SOS1: variants seen among roughly 807,000 people sequenced by gnomAD.
SOS1 encodes the protein son of sevenless homolog 1.
Under a neutral mutation model 157.6 loss-of-function variants are expected in SOS1, and 25 were observed. That is an observed-to-expected ratio of 0.16 (90% CI 0.12 to 0.22). The LOEUF (loss-of-function observed/expected upper bound fraction) is 0.22. Among genes scored for constraint, SOS1 ranks in the 10% least tolerant of loss-of-function variants. The probability of loss-of-function intolerance (pLI) is 1.00; values close to 1 mark genes in which losing one functional copy is unlikely to be tolerated. For missense variants in SOS1, 1,237 were observed against 1,599.1 expected (o/e 0.77, Z 3.86); for synonymous variants, 528 against 534.0 (o/e 0.99, Z 0.16).
chr2:39,090,343 G>A (rs540001816), intron 1 of SOS1, among the ~76,000 whole-genome samples: 6 of 152,054 alleles, frequency 3.9e-5, no homozygotes, highest in Admixed American at 2.6e-4. Flanking sequence ...GGGGCTGGGG[G>A]CTGGTTGACA....
intron 6 of SOS1, among the ~76,000 whole-genome samples, chr2:39,035,720 T>G (rs1433418223): frequency 6.6e-6 from 1 of 152,214 alleles, no homozygotes; most frequent in African/African-American, 2.4e-5. Context: ...AATCCTTATA[T>G]GTTATAACAG....
At chr2:39,097,301 G>A (rs965775449) in intron 1 of SOS1, among the ~76,000 whole-genome samples, 1 of 152,098 alleles carries the variant, frequency 6.6e-6, no homozygotes, top group Non-Finnish European at 1.5e-5. Flanking sequence ...TTTTTATCAG[G>A]TAGAATTTCC....
chr2:38,993,066 T>G (rs2124470798), intron 20 of SOS1: 1 of 149,278 alleles, frequency 6.7e-6, no homozygotes, highest in Non-Finnish European at 1.5e-5. Flanking sequence ...CGAGACCCTA[T>G]CTCTACCAAA....
intron 5 of SOS1, 120 bp downstream of exon 5, chr2:39,054,494 G>C (rs1671136119): frequency 1.5e-6 from 1 of 654,856 alleles, no homozygotes; most frequent in East Asian, 2.7e-5. Context: ...CATGAATTAA[G>C]TCCCACAACT....
chr2:39,110,604 T>C (rs1054256253), intron 1 of SOS1, among the ~76,000 whole-genome samples: 2 of 150,706 alleles, frequency 1.3e-5, no homozygotes, highest in African/African-American at 4.9e-5. Context: ...AATAACTAGA[T>C]ATCAGCATTA....
At chr2:39,007,412 T>A in intron 15 of SOS1, 2 of 538,638 alleles carry the variant, frequency 3.7e-6, no homozygotes, top group Non-Finnish European at 6.6e-6. Flanking sequence ...AGTCAAACAA[T>A]CATTTTCCTA....
At chr2:39,069,449 G>C (rs191879207) in intron 1 of SOS1, among the ~76,000 whole-genome samples, 1 of 152,152 alleles carries the variant, frequency 6.6e-6, no homozygotes, top group East Asian at 1.9e-4. Flanking sequence ...ATATACATAC[G>C]TATGCATTCA....
chr2:39,013,392 C>A, intron 13 of SOS1, 68 bp downstream of exon 13: 1 of 916,804 alleles, frequency 1.1e-6, no homozygotes, highest in Non-Finnish European at 1.8e-6. Flanking sequence ...CCAATGACAT[C>A]AATTGATAGT....
intron 10 of SOS1, 48 bp from the exon 11 acceptor site, chr2:39,014,894 T>C (rs1572823689): frequency 2.0e-6 from 2 of 978,170 alleles, no homozygotes; most frequent in Non-Finnish European, 3.3e-6. Context: ...TGATTCAAAA[T>C]GATTAAAACT....
chr2:39,105,870 A>G (rs1673155831), intron 1 of SOS1, among the ~76,000 whole-genome samples: 1 of 152,098 alleles, frequency 6.6e-6, no homozygotes, highest in South Asian at 2.1e-4. Flanking sequence ...ATTGCACTTC[A>G]GCCTGGGCGA....
At chr2:39,090,899 C>T (rs2969763) in intron 1 of SOS1, among the ~76,000 whole-genome samples, 141,645 of 152,180 alleles carry the variant, frequency 0.93, 66,084 homozygotes, top group African/African-American at 0.97. Flanking sequence ...AACAGAGTCT[C>T]ATTCTGTCAC....
chr2:38,999,202 CATT>C (rs1669004913), intron 17 of SOS1, among the ~76,000 whole-genome samples: 1 of 152,144 alleles, frequency 6.6e-6, no homozygotes, highest in African/African-American at 2.4e-5. Flanking sequence ...TGTATAAAGG[CATT>C]GATTCATGAT....
chr2:39,022,939 G>C lies in SOS1; in HGVS notation c.1489C>G (p.Arg497Gly). 6.2e-7 allele frequency: 1 copy of C among 1,613,166 alleles called. No homozygotes were observed. The highest frequency in any genetic ancestry group is 1.3e-5 in the African/African-American group (1 of 74,940). ...TCTTTATCATTAATTTGTACCTTTC[G>C]CATAAAAAACTTTTCTTTAAGACGA... ...EYRLKEKFFM[R>G]KVQINDKDDT... is the part of the protein sequence containing the mutation. The change falls in exon 10 of 23, where the codon CGA becomes GGA. Residue 497 changes from arginine (R) to glycine (G), a missense_variant. Arg to Gly is a moderately radical substitution (Grantham distance 125). This residue lies in a region of SOS1 where 210 missense variants were observed against 220.2 expected (regional missense o/e 0.95). Coordinates refer to ENST00000402219, the MANE Select transcript of SOS1 (RefSeq NM_005633.4).
intron 17 of SOS1, among the ~76,000 whole-genome samples, chr2:38,999,028 A>G (rs1002520467): frequency 6.6e-6 from 1 of 152,262 alleles, no homozygotes; most frequent in African/African-American, 2.4e-5. Context: ...GTAGGAATGC[A>G]TAACATGCTA....
chr2:39,064,742 A>ATTTTTT (rs4015841), intron 2 of SOS1, among the ~76,000 whole-genome samples: 1,567 of 74,720 alleles, frequency 0.021, 73 homozygotes, highest in Admixed American at 0.031. Flanking sequence ...TTTAAAATAC[A>ATTTTTT]TTTTTTTTTT....
chr2:38,998,638 G>A (rs1488480862), intron 17 of SOS1, among the ~76,000 whole-genome samples: 1 of 152,164 alleles, frequency 6.6e-6, no homozygotes, highest in Non-Finnish European at 1.5e-5. Flanking sequence ...GAGGGTTGCT[G>A]TGAGAAACAA....
intron 8 of SOS1, among the ~76,000 whole-genome samples, chr2:39,032,749 G>T (rs984926337): frequency 3.3e-5 from 5 of 152,134 alleles, no homozygotes. Context: ...ATCACCTGAG[G>T]TCAAGAGTTC....
chr2:38,984,101 C>T lies in SOS1; in HGVS notation c.*1723G>A, dbSNP rs1166629204. 1 of 152,088 alleles carries T rather than the reference C, an allele frequency of 6.6e-6. No individual in the cohort carries two copies. Among genetic ancestry groups the T allele is most frequent in the African/African-American group, 2.4e-5 (1 of 41,416 alleles). The allele number at this position is 152,088 out of a possible 1,614,324, so 9.4% of individuals were successfully genotyped here. ...AATATCATAGGAAATTATTAAAGTA[C>T]TAGGTTCCCACCATGTTGCAGCACT... On this transcript the variant is annotated 3_prime_UTR_variant, in exon 23 of 23. Coordinates refer to ENST00000402219, the MANE Select transcript of SOS1 (RefSeq NM_005633.4).
chr2:39,089,571 T>TA (rs1325136562), intron 1 of SOS1, among the ~76,000 whole-genome samples: 6 of 145,664 alleles, frequency 4.1e-5, no homozygotes, highest in African/African-American at 1.3e-4. Flanking sequence ...GAAGCCAACC[T>TA]AAAAAAGCTC....
Sources: allele counts gnomAD v4.1 joint callset (sites outside exome capture counted in the v4.1 genomes callset), GRCh38; gene constraint gnomAD v4.1.1; regional missense constraint gnomAD v4.1.1; transcripts MANE v1.5; gene names NCBI Gene and HGNC (gene_info 2026-07-23, HGNC 2026-07-21).